SPESP1: variants seen among roughly 807,000 people sequenced by gnomAD.
SPESP1 encodes equatorial segment protein.
A neutral mutation model predicts 3.1 loss-of-function variants in SPESP1; 1 was observed. That is an observed-to-expected ratio of 0.33 (90% CI 0.12 to 1.54). The LOEUF (loss-of-function observed/expected upper bound fraction) is 1.54. SPESP1 is among the 40% of genes most tolerant of loss of function. The pLI, the probability that SPESP1 is intolerant of heterozygous loss-of-function variation, is 0.38. For missense variants in SPESP1, 398 were observed against 410.1 expected (o/e 0.97, Z 0.26); for synonymous variants, 138 against 150.7 (o/e 0.92, Z 0.62).
chr15:68,933,914 A>G (rs530167468), intron 1 of SPESP1, among the ~76,000 whole-genome samples: 48 of 152,158 alleles, frequency 3.2e-4, no homozygotes, highest in African/African-American at 1.2e-3. Context: ...ATAGTTACAT[A>G]TTTAAATAAT....
At chr15:68,932,872 G>A (rs1314945842) in intron 1 of SPESP1, among the ~76,000 whole-genome samples, 4 of 152,230 alleles carry the variant, frequency 2.6e-5, no homozygotes, top group Non-Finnish European at 5.9e-5. Context: ...CTTGGAATAT[G>A]TAATTACCTT....
At position 68,933,088 on chromosome 15, in the gene SPESP1, A is replaced by C. The variant is rs1182052331; in HGVS notation, c.64+2371A>C. Among the ~76,000 whole-genome samples the C allele has an allele frequency of 2.0e-5, 3 of 152,330 alleles. No homozygotes were observed. In the South Asian group the frequency reaches 6.2e-4, roughly 32 times the overall value. On this transcript the variant is annotated intron_variant, in intron 1 of 1. Coordinates refer to ENST00000310673, the MANE Select transcript of SPESP1 (RefSeq NM_145658.4). The stretch of plus-strand genomic sequence containing the variant: ...TTCAAACAATTGTTGGCGAGATGCA[A>C]AAGATAAGGTACATAGGTTTTTATA...
rs2140430908 is a variant in SPESP1 at position 68,946,565 on chromosome 15, C to T, written c.1031C>T (p.Thr344Ile). The change falls in exon 2 of 2, where the codon ACA becomes ATA. Residue 344 changes from threonine (T) to isoleucine (I), a missense_variant. By Grantham distance (89) the Thr-to-Ile change is moderately conservative. Coordinates refer to ENST00000310673, the MANE Select transcript of SPESP1 (RefSeq NM_145658.4). The part of the protein sequence containing the change: ...LKNMCRSRRV[T>I]ALLKVY ...AATATGTGTAGATCAAGGAGAGTCA[C>T]AGCCTTATTAAAAGTTTATTAAACA... 1 of 1,485,598 alleles carries T rather than the reference C, an allele frequency of 6.7e-7. No individual in the cohort carries two copies. Among genetic ancestry groups the T allele is most frequent in the Non-Finnish European group, 8.9e-7 (1 of 1,125,418 alleles). The allele number at this position is 1,485,598 out of a possible 1,614,324, so 92.0% of individuals were successfully genotyped here.
chr15:68,939,829 T>G (rs1895772232), intron 1 of SPESP1: 1 of 152,208 alleles, frequency 6.6e-6, no homozygotes, highest in African/African-American at 2.4e-5. Context: ...CCTTTGGCAC[T>G]CTAACTCACC....
chr15:68,946,574 TAA>T lies in SPESP1; in HGVS notation c.1043_1044del (p.Lys348SerfsTer17), dbSNP rs749058818. On this transcript the variant is annotated frameshift_variant, in exon 2 of 2. Transcript: ENST00000310673. LOFTEE classifies it high-confidence loss of function. ...AGATCAAGGAGAGTCACAGCCTTAT[TAA>T]AAGTTTATTAAACAATAATATAAAA... is the stretch of plus-strand genomic sequence containing the variant. 2.8e-6 allele frequency: 4 copies of T among 1,417,934 alleles called. No individual in the cohort carries two copies. The African/African-American group carries it at 7.2e-5, about 26-fold the overall frequency. The allele number at this position is 1,417,934 out of a possible 1,614,324, so 87.8% of individuals were successfully genotyped here.
chr15:68,941,065 T>C (rs988981734), intron 1 of SPESP1, among the ~76,000 whole-genome samples: 2 of 152,054 alleles, frequency 1.3e-5, no homozygotes, highest in African/African-American at 4.8e-5. Context: ...CTTTATAATA[T>C]ATTTAAATAT....
Position 68,945,772 on chromosome 15 carries a change from C to T in SPESP1, c.238C>T (p.His80Tyr), listed in dbSNP as rs1376809222. The T allele has an allele frequency of 1.9e-6, 3 of 1,613,986 alleles. No individual in the cohort carries two copies. The highest frequency in any genetic ancestry group is 1.7e-5 in the Admixed American group (1 of 59,978). The change falls in exon 2 of 2, where the codon CAT becomes TAT. Residue 80 changes from histidine to tyrosine, a missense_variant. By Grantham distance (83) the His-to-Tyr change is moderately conservative. Coordinates refer to ENST00000310673, the MANE Select transcript of SPESP1 (RefSeq NM_145658.4). ...ATCAAAATTTAAGGAGCTAGTTACA[C>T]ATGGAGACGCTTCAACTGAGAATGA... is the stretch of plus-strand genomic sequence containing the variant. ...KGSKFKELVT[H>Y]GDASTENDVL...
rs575503960 is a variant in SPESP1, at chr15:68,940,756, C to CT, written c.65-4827dup. 3.8e-3 allele frequency among the ~76,000 whole-genome samples: 476 copies of CT among 125,398 alleles called. 1 individual carries two copies. Among genetic ancestry groups the CT allele is most frequent in the African/African-American group, 7.7e-3 (273 of 35,280 alleles). The allele number at this position is 125,398 out of a possible 152,430, so 82.3% of individuals were successfully genotyped here. On this transcript the variant is annotated intron_variant, in intron 1 of 1. Coordinates refer to ENST00000310673, the MANE Select transcript of SPESP1 (RefSeq NM_145658.4). ...GGAGACCTACTGGATTCAGATTTGA[C>CT]TTTTTTTTTTTTTTTTGCAAGACTA...
chr15:68,939,144 G>C (rs1895754833), intron 1 of SPESP1, among the ~76,000 whole-genome samples: 1 of 152,194 alleles, frequency 6.6e-6, no homozygotes, highest in Non-Finnish European at 1.5e-5. Flanking sequence ...TCTCAAGCCT[G>C]CTTAGCAGTT....
Position 68,945,698 on chromosome 15 carries a change from A to C in SPESP1, c.164A>C (p.Glu55Ala). ...GTTCCCTCTGGGGAGCCAGGTCGTGAGAAAAAATCTAACTCTCCAAAACAT... is the reference window on the plus strand; with the variant it reads ...GTTCCCTCTGGGGAGCCAGGTCGTGCGAAAAAATCTAACTCTCCAAAACAT... The part of the protein sequence containing the change: ...RSVPSGEPGR[E>A]KKSNSPKHVY... Residue 55 changes from glutamate to alanine, a missense_variant, in exon 2 of 2, where the codon GAG (glutamate) becomes GCG (alanine). Coordinates refer to ENST00000310673, the MANE Select transcript of SPESP1 (RefSeq NM_145658.4). 1 of 1,614,042 alleles carries C rather than the reference A, an allele frequency of 6.2e-7. No individual in the cohort carries two copies. The highest frequency in any genetic ancestry group is 8.5e-7 in the Non-Finnish European group (1 of 1,179,994).
chr15:68,941,547 C>G (rs1426637180), intron 1 of SPESP1, among the ~76,000 whole-genome samples: 1 of 152,150 alleles, frequency 6.6e-6, no homozygotes, highest in Non-Finnish European at 1.5e-5. Context: ...CATTCCATGA[C>G]TTGTGGCCAC....
intron 1 of SPESP1, chr15:68,939,655 G>A (rs1895767746): frequency 6.6e-6 from 1 of 152,236 alleles, no homozygotes; most frequent in South Asian, 2.1e-4. Flanking sequence ...ATGGAGCCAA[G>A]GGTACATGAA....
chr15:68,946,660 A>G lies in SPESP1; in HGVS notation c.*73A>G, dbSNP rs772645700. 4 of 1,316,234 alleles carry G rather than the reference A, an allele frequency of 3.0e-6. No homozygotes were observed. Among genetic ancestry groups the G allele is most frequent in the East Asian group, 5.6e-5 (2 of 35,956 alleles). 81.5% of individuals were successfully genotyped at this position (1,316,234 alleles called of 1,614,324 possible). A position where few individuals can be genotyped will look rare whatever the true frequency, so the allele number is the denominator to read the frequency against. On this transcript the variant is annotated 3_prime_UTR_variant, in exon 2 of 2. Coordinates refer to ENST00000310673, the MANE Select transcript of SPESP1 (RefSeq NM_145658.4). Reference sequence around the variant, plus strand: ...TGATTTAAGCAAACTGCATTTTTTCACAGGAGAAATAATCATATTCGTAAT... The same window carrying G: ...TGATTTAAGCAAACTGCATTTTTTCGCAGGAGAAATAATCATATTCGTAAT...
chr15:68,937,718 A>G (rs1446379454), intron 1 of SPESP1, among the ~76,000 whole-genome samples: 1 of 152,142 alleles, frequency 6.6e-6, no homozygotes, highest in Admixed American at 6.6e-5. Context: ...GTAGGAGGGA[A>G]CTTATTTTAC....
chr15:68,942,169 C>CTTTTTTTT (rs778249415), intron 1 of SPESP1, among the ~76,000 whole-genome samples: 1 of 142,874 alleles, frequency 7.0e-6, no homozygotes. Context: ...CATCTTATTT[C>CTTTTTTTT]TTTTTTTTTT....
intron 1 of SPESP1, among the ~76,000 whole-genome samples, chr15:68,940,569 T>G (rs894600270): frequency 2.0e-5 from 3 of 152,292 alleles, no homozygotes; most frequent in East Asian, 3.9e-4. Flanking sequence ...TAGTTCTTCC[T>G]CCATCTCTGT....
At position 68,930,550 on chromosome 15, in the gene SPESP1, G is replaced by A. The variant is rs895282711; in HGVS notation, c.-104G>A. On this transcript the variant is annotated 5_prime_UTR_variant, in exon 1 of 2. Coordinates refer to ENST00000310673, the MANE Select transcript of SPESP1 (RefSeq NM_145658.4). ...GTTGCTGGGTGTCCCAGGGCCTGAGGCAGGACGGTACTCCGCTGACACCTT... is the reference window on the plus strand; with the variant it reads ...GTTGCTGGGTGTCCCAGGGCCTGAGACAGGACGGTACTCCGCTGACACCTT... 2.7e-6 allele frequency: 4 copies of A among 1,499,446 alleles called. No individual in the cohort carries two copies. The Admixed American group carries it at 5.1e-5, about 19-fold the overall frequency. The allele number at this position is 1,499,446 out of a possible 1,614,324, so 92.9% of individuals were successfully genotyped here.
chr15:68,930,551 C>G lies in SPESP1; in HGVS notation c.-103C>G, dbSNP rs905473701. On this transcript the variant is annotated 5_prime_UTR_variant, in exon 1 of 2. Transcript: ENST00000310673. ...TTGCTGGGTGTCCCAGGGCCTGAGG[C>G]AGGACGGTACTCCGCTGACACCTTC... 7 of 1,495,338 alleles carry G rather than the reference C, an allele frequency of 4.7e-6. No homozygotes were observed. The African/African-American group carries it at 9.7e-5, about 21-fold the overall frequency. 92.6% of individuals were successfully genotyped at this position (1,495,338 alleles called of 1,614,324 possible).
In SPESP1 at chr15:68,930,526, T is replaced by A; in HGVS notation, c.-128T>A. ...TGCGCTTGCGCGCTGGGGACAACCG[T>A]TGCTGGGTGTCCCAGGGCCTGAGGC... On this transcript the variant is annotated 5_prime_UTR_variant, in exon 1 of 2. The change creates a new upstream start codon in the 5' untranslated region. Transcript: ENST00000310673. The A allele has an allele frequency of 7.9e-7, 1 of 1,262,152 alleles. No homozygotes were observed. Among genetic ancestry groups the A allele is most frequent in the Non-Finnish European group, 1.1e-6 (1 of 899,292 alleles). 78.2% of individuals were successfully genotyped at this position (1,262,152 alleles called of 1,614,324 possible).
Sources: gnomAD v4.1 joint callset for allele counts (sites outside exome capture counted in the v4.1 genomes callset) on GRCh38, gnomAD v4.1.1 for gene constraint, MANE v1.5 for transcripts, NCBI Gene and HGNC (gene_info 2026-07-23, HGNC 2026-07-21) for gene names.